Variants in LRRC37A2 observed in about 807,000 individuals in gnomAD.
The protein encoded by LRRC37A2 is leucine rich repeat containing 37 member A2.
Under a neutral mutation model 68.8 loss-of-function variants are expected in LRRC37A2, and 9 were observed. The ratio of observed to expected loss-of-function variants is 0.13; its 90% CI spans 0.08 to 0.23. The LOEUF is 0.23. LRRC37A2 is among the 10% of genes least tolerant of loss of function. LRRC37A2 has a pLI of 1.00. For missense variants in LRRC37A2, 168 were observed against 950.4 expected (o/e 0.18, Z 10.82); for synonymous variants, 63 against 367.6 (o/e 0.17, Z 9.48).
chr17:46,934,937 T>G, the LRRC37A2 span: 1 of 1,146,902 alleles, frequency 8.7e-7, no homozygotes, highest in Admixed American at 1.7e-5. Flanking sequence ...CTCCGGCTGT[T>G]CTGGCTTGGC....
At chr17:46,949,062 C>G in the LRRC37A2 span, 1 of 152,204 alleles carries the variant, frequency 6.6e-6, no homozygotes, top group African/African-American at 2.4e-5. Context: ...TAGGGGCTGA[C>G]GGCAATAGCT....
chr17:46,954,203 A>G, the LRRC37A2 span, among the ~76,000 whole-genome samples: 100 of 152,300 alleles, frequency 6.6e-4, 3 homozygotes, highest in South Asian at 0.02. Context: ...ATCTTGAATT[A>G]ACTTTTGTAT....
the LRRC37A2 span, chr17:46,876,783 AG>A: frequency 2.0e-6 from 3 of 1,475,012 alleles, no homozygotes; most frequent in Non-Finnish European, 2.7e-6. Context: ...CAAGCTGCCC[AG>A]CCGGCCCTCT....
chr17:47,021,061 T>C, the LRRC37A2 span, among the ~76,000 whole-genome samples: 1 of 152,066 alleles, frequency 6.6e-6, no homozygotes, highest in African/African-American at 2.4e-5. Flanking sequence ...ACCAACGTGG[T>C]TACAAAGAAT....
At chr17:46,711,734 C>T in the LRRC37A2 span, among the ~76,000 whole-genome samples, 1 of 152,118 alleles carries the variant, frequency 6.6e-6, no homozygotes, top group Admixed American at 6.5e-5. Context: ...AGTGAGGCCC[C>T]ATGACAAGGG....
At chr17:46,748,584 G>A in the LRRC37A2 span, among the ~76,000 whole-genome samples, 3 of 152,182 alleles carry the variant, frequency 2.0e-5, no homozygotes, top group Non-Finnish European at 2.9e-5. Flanking sequence ...TGAGGAAAAG[G>A]AAGGCTGGGA....
chr17:46,786,222 G>A, the LRRC37A2 span, among the ~76,000 whole-genome samples: 2 of 152,108 alleles, frequency 1.3e-5, no homozygotes, highest in East Asian at 3.9e-4. Flanking sequence ...AAACAGGAGG[G>A]AAGAGGGGAC....
At chr17:46,722,000 C>A in the LRRC37A2 span, 4 of 1,607,946 alleles carry the variant, frequency 2.5e-6, no homozygotes, top group Non-Finnish European at 3.4e-6. Context: ...AGCTTTCCGA[C>A]CACCACCAAC....
chr17:46,786,627 G>A, the LRRC37A2 span, among the ~76,000 whole-genome samples: 1 of 152,218 alleles, frequency 6.6e-6, no homozygotes, highest in Non-Finnish European at 1.5e-5. Flanking sequence ...AGGACTCCCA[G>A]GTAAAGCCCA....
the LRRC37A2 span, among the ~76,000 whole-genome samples, chr17:47,028,098 C>T: frequency 6.6e-6 from 1 of 152,244 alleles, no homozygotes; most frequent in Non-Finnish European, 1.5e-5. Flanking sequence ...GTATCTAATG[C>T]ACCACGTGTG....
chr17:47,017,544 G>C, the LRRC37A2 span: 2 of 1,596,568 alleles, frequency 1.3e-6, no homozygotes. Context: ...TTCAGCTGGA[G>C]AGCTGCCCCT....
the LRRC37A2 span, among the ~76,000 whole-genome samples, chr17:46,863,669 G>A: frequency 0.043 from 6,500 of 152,242 alleles, 468 homozygotes; most frequent in African/African-American, 0.14. Flanking sequence ...AAGGTTCCAG[G>A]GTATCCATGA....
At chr17:47,009,389 C>T in the LRRC37A2 span, among the ~76,000 whole-genome samples, 1 of 152,210 alleles carries the variant, frequency 6.6e-6, no homozygotes, top group East Asian at 1.9e-4. Context: ...TCATGGGCCC[C>T]AGCTTGGCTT....
the LRRC37A2 span, among the ~76,000 whole-genome samples, chr17:46,740,042 C>T: frequency 0.15 from 22,594 of 152,052 alleles, 1,986 homozygotes; most frequent in Non-Finnish European, 0.2. Flanking sequence ...TTTCATAGGC[C>T]CTGGGCACTG....
At chr17:46,956,019 T>C in the LRRC37A2 span, among the ~76,000 whole-genome samples, 1 of 152,130 alleles carries the variant, frequency 6.6e-6, no homozygotes, top group Admixed American at 6.5e-5. Context: ...CCATGCCCCA[T>C]GGAGCCTCCT....
At chr17:46,635,777 ATG>A in the LRRC37A2 span, among the ~76,000 whole-genome samples, 4,286 of 116,754 alleles carry the variant, frequency 0.037, 461 homozygotes, top group African/African-American at 0.13. Context: ...GGGAAAATAA[ATG>A]TGTGTGTGTG....
At chr17:47,019,573 C>T in the LRRC37A2 span, 1 of 1,473,238 alleles carries the variant, frequency 6.8e-7, no homozygotes, top group Non-Finnish European at 9.5e-7. Flanking sequence ...ACAGGTCCAC[C>T]TACTGTGCTA....
chr17:46,884,889 T>G, the LRRC37A2 span: 3 of 327,342 alleles, frequency 9.2e-6, no homozygotes, highest in South Asian at 6.7e-5. Context: ...TATATTTGCT[T>G]CCTGACTTGG....
the LRRC37A2 span, among the ~76,000 whole-genome samples, chr17:46,786,847 C>T: frequency 1.3e-5 from 2 of 152,140 alleles, no homozygotes; most frequent in Non-Finnish European, 2.9e-5. Context: ...CATTCTAGAA[C>T]ATTCTAGAAA....
Sources: gnomAD v4.1 joint callset for allele counts (sites outside exome capture counted in the v4.1 genomes callset) on GRCh38, gnomAD v4.1.1 for gene constraint, MANE v1.5 for transcripts, NCBI Gene and HGNC (gene_info 2026-07-23, HGNC 2026-07-21) for gene names.